Variants in KCNIP1 observed in about 807,000 individuals in gnomAD.
KCNIP1 encodes A-type potassium channel modulatory protein KCNIP1.
A neutral mutation model predicts 33.0 loss-of-function variants in KCNIP1; 18 were observed. The observed-to-expected ratio is 0.55, with a 90% confidence interval of 0.38 to 0.81. The LOEUF is 0.81. Ranked by LOEUF, KCNIP1 falls within the 30% of genes least tolerant of loss-of-function variation. KCNIP1 has a pLI of 0.00. For missense variants in KCNIP1, 238 were observed against 271.6 expected (o/e 0.88, Z 0.87); for synonymous variants, 93 against 98.3 (o/e 0.95, Z 0.32).
At chr5:170,610,116 C>T (rs765270680) in intron 1 of KCNIP1, among the ~76,000 whole-genome samples, 1 of 152,220 alleles carries the variant, frequency 6.6e-6, no homozygotes, top group Non-Finnish European at 1.5e-5. Flanking sequence ...GCAGTATCAG[C>T]ACTACCTGGG....
intron 1 of KCNIP1, among the ~76,000 whole-genome samples, chr5:170,421,524 T>C (rs1436183548): frequency 6.6e-6 from 1 of 152,164 alleles, no homozygotes; most frequent in East Asian, 1.9e-4. Flanking sequence ...TGGTGTCTGG[T>C]GGGAGCCTGC....
At chr5:170,661,981 G>T (rs549178688) in intron 1 of KCNIP1, among the ~76,000 whole-genome samples, 1 of 152,082 alleles carries the variant, frequency 6.6e-6, no homozygotes, top group African/African-American at 2.4e-5. Context: ...TCCAGGCCTG[G>T]CTGTAGACAC....
At chr5:170,468,973 A>G (rs564428190) in intron 1 of KCNIP1, among the ~76,000 whole-genome samples, 2 of 152,212 alleles carry the variant, frequency 1.3e-5, no homozygotes, top group Admixed American at 1.3e-4. Context: ...AGAGGTAACC[A>G]TCATTACAAG....
intron 1 of KCNIP1, among the ~76,000 whole-genome samples, chr5:170,550,454 C>A (rs1194038820): frequency 6.6e-6 from 1 of 151,170 alleles, no homozygotes; most frequent in Non-Finnish European, 1.5e-5. Context: ...ATGATGATGG[C>A]AATGATGATG....
intron 1 of KCNIP1, among the ~76,000 whole-genome samples, chr5:170,392,628 G>A (rs1754633482): frequency 6.6e-6 from 1 of 152,188 alleles, no homozygotes; most frequent in African/African-American, 2.4e-5. Context: ...TTCGAGACCA[G>A]CCTGGCCAAC....
In KCNIP1 at chr5:170,402,704, G is replaced by A. The variant is rs1754939018; in HGVS notation, c.88+48740G>A. Among the ~76,000 whole-genome samples, 3 of 152,240 alleles carry A rather than the reference G, an allele frequency of 2.0e-5. No individual in the cohort carries two copies. In the South Asian group the frequency reaches 6.2e-4, roughly 32 times the overall value. On this transcript the variant is annotated intron_variant, in intron 1 of 7. Coordinates refer to the KCNIP1 transcript ENST00000377360. ...ATGTGGTCTGCCCAGCTGCAAGGGA[G>A]TCTGGGAAATGTAGCCCCTGAAGGC... is the stretch of plus-strand genomic sequence containing the variant.
upstream of KCNIP1, among the ~76,000 whole-genome samples, chr5:170,502,103 G>A (rs1162858511): frequency 6.6e-6 from 1 of 152,204 alleles, no homozygotes; most frequent in Non-Finnish European, 1.5e-5. Context: ...CATCCTGGCT[G>A]GGCAACTTCA....
intron 1 of KCNIP1, among the ~76,000 whole-genome samples, chr5:170,402,086 T>C (rs1043410927): frequency 6.6e-6 from 1 of 152,208 alleles, no homozygotes; most frequent in Non-Finnish European, 1.5e-5. Flanking sequence ...TGTCTTCATG[T>C]GGCCTTCTCC....
chr5:170,400,261 C>T (rs1257562828), intron 1 of KCNIP1, among the ~76,000 whole-genome samples: 1 of 152,172 alleles, frequency 6.6e-6, no homozygotes, highest in African/African-American at 2.4e-5. Context: ...AATTGACTCA[C>T]AGTTCTGCAT....
intron 1 of KCNIP1, among the ~76,000 whole-genome samples, chr5:170,688,143 C>T (rs1762605499): frequency 6.6e-6 from 1 of 152,098 alleles, no homozygotes; most frequent in African/African-American, 2.4e-5. Context: ...CATTATTTTC[C>T]CATTTTACAG....
At chr5:170,394,458 C>G (rs984323278) in intron 1 of KCNIP1, among the ~76,000 whole-genome samples, 1 of 151,158 alleles carries the variant, frequency 6.6e-6, no homozygotes, top group Non-Finnish European at 1.5e-5. Context: ...TTGTTGTCAT[C>G]GTGCTTTGGT....
intron 1 of KCNIP1, chr5:170,383,771 G>A: frequency 6.2e-7 from 1 of 1,614,086 alleles, no homozygotes; most frequent in Non-Finnish European, 8.5e-7. Flanking sequence ...GGGTACTGGG[G>A]CACCTTCTTG....
chr5:170,629,314 T>G (rs1021523783), intron 1 of KCNIP1, among the ~76,000 whole-genome samples: 1 of 152,218 alleles, frequency 6.6e-6, no homozygotes, highest in Non-Finnish European at 1.5e-5. Context: ...GCCAAGGTCC[T>G]ACGTCAAGGT....
intron 1 of KCNIP1, among the ~76,000 whole-genome samples, chr5:170,642,448 C>T (rs976018305): frequency 6.6e-6 from 1 of 152,250 alleles, no homozygotes; most frequent in East Asian, 1.9e-4. Flanking sequence ...ACTGGGCCCT[C>T]TCCCAGTACA....
At chr5:170,524,877 T>C (rs1755510037) in intron 1 of KCNIP1, among the ~76,000 whole-genome samples, 1 of 152,088 alleles carries the variant, frequency 6.6e-6, no homozygotes, top group Non-Finnish European at 1.5e-5. Flanking sequence ...CCTGAGTTCT[T>C]TGAGGGCTGA....
At chr5:170,393,462 G>A (rs1754668750) in intron 1 of KCNIP1, among the ~76,000 whole-genome samples, 1 of 152,156 alleles carries the variant, frequency 6.6e-6, no homozygotes, top group South Asian at 2.1e-4. Flanking sequence ...CCCAGCACTT[G>A]CTATGCAGAG....
chr5:170,353,668 AG>A, exon 1 of KCNIP1: 1 of 597,492 alleles, frequency 1.7e-6, no homozygotes. Context: ...GGGTGGAGAG[AG>A]GGAGGGAGAG....
intron 1 of KCNIP1, among the ~76,000 whole-genome samples, chr5:170,660,149 C>T (rs981343380): frequency 5.9e-5 from 9 of 152,170 alleles, no homozygotes; most frequent in African/African-American, 2.2e-4. Flanking sequence ...CTTTTCAAAT[C>T]CTCAAAATAT....
In KCNIP1 at chr5:170,708,385, T is replaced by C. The variant is rs78272422; in HGVS notation, c.62-10373T>C. ...ATTGAAAATGAACCACTGCAAATACTAGGAATACAATTTCAAGAGGAAGCA... is the reference window on the plus strand; with the variant it reads ...ATTGAAAATGAACCACTGCAAATACCAGGAATACAATTTCAAGAGGAAGCA... On this transcript the variant is annotated intron_variant, in intron 1 of 7. Coordinates refer to ENST00000328939, the MANE Select transcript of KCNIP1 (RefSeq NM_014592.4). Among the ~76,000 whole-genome samples the C allele has an allele frequency of 3.5e-3, 537 of 152,310 alleles. 3 individuals carry two copies. Among genetic ancestry groups the C allele is most frequent in the African/African-American group, 0.012 (506 of 41,576 alleles).
Sources: allele counts gnomAD v4.1 joint callset (sites outside exome capture counted in the v4.1 genomes callset), GRCh38; gene constraint gnomAD v4.1.1; transcripts MANE v1.5; gene names NCBI Gene and HGNC (gene_info 2026-07-23, HGNC 2026-07-21).